KIF4A: variants seen among roughly 807,000 people sequenced by gnomAD.
KIF4A encodes the protein chromosome-associated kinesin KIF4A.
Under a neutral mutation model 105.9 loss-of-function variants are expected in KIF4A, and 7 were observed. The observed-to-expected ratio is 0.07, with a 90% confidence interval of 0.04 to 0.12. The LOEUF (loss-of-function observed/expected upper bound fraction) is 0.12. KIF4A is among the 10% of genes least tolerant of loss of function. The probability of loss-of-function intolerance (pLI) is 1.00; values close to 1 mark genes in which losing one functional copy is unlikely to be tolerated. For missense variants in KIF4A, 558 were observed against 929.2 expected (o/e 0.60, Z 5.19); for synonymous variants, 281 against 331.3 (o/e 0.85, Z 1.65).
At chrX:70,368,495 G>A (rs149734484) in intron 15 of KIF4A, among the ~76,000 whole-genome samples, 197 of 112,312 alleles carry the variant, frequency 1.8e-3, no homozygotes, top group Middle Eastern at 0.014. Flanking sequence ...CAGGTATGTT[G>A]GAGTTTGCTG....
At chrX:70,398,190 A>G (rs2147735571) in intron 22 of KIF4A, among the ~76,000 whole-genome samples, 1 of 111,441 alleles carries the variant, frequency 9.0e-6, no homozygotes, top group East Asian at 2.8e-4. Context: ...GGCACATGGC[A>G]CCATGCCTGG....
At chrX:70,322,305 T>C (rs2085893548) in intron 7 of KIF4A, among the ~76,000 whole-genome samples, 1 of 108,391 alleles carries the variant, frequency 9.2e-6, no homozygotes, top group African/African-American at 3.4e-5. Flanking sequence ...TTTTTTTAAT[T>C]TATTTTATTT....
chrX:70,302,459 T>C (rs931256041), intron 7 of KIF4A, 61 bp downstream of exon 7: 4 of 1,076,744 alleles, frequency 3.7e-6, no homozygotes, highest in Admixed American at 2.4e-5. Context: ...TTGTTGGTAT[T>C]GTTGGTGTTT....
intron 13 of KIF4A, among the ~76,000 whole-genome samples, chrX:70,347,591 A>T (rs141335599): frequency 0.015 from 1,625 of 111,889 alleles, 22 homozygotes; most frequent in Non-Finnish European, 0.024. Flanking sequence ...CTAATAATCT[A>T]GGACAGGCCT....
rs1275247082 is a variant in KIF4A, at chrX:70,373,546, A to G, written c.1675-605A>G. Among the ~76,000 whole-genome samples the G allele has an allele frequency of 4.3e-4, 18 of 41,820 alleles. 1 individual carries two copies. Among genetic ancestry groups the G allele is most frequent in the East Asian group, 2.4e-3 (3 of 1,256 alleles). 36.3% of individuals were successfully genotyped at this position (41,820 alleles called of 115,157 possible). On this transcript the variant is annotated intron_variant, in intron 15 of 30. Transcript: ENST00000374403. ...TATGTATATATATATATATATATAT[A>G]TATATATATACGTATATATATACAT...
At chrX:70,336,992 T>C (rs965737011) in intron 10 of KIF4A, among the ~76,000 whole-genome samples, 6 of 112,546 alleles carry the variant, frequency 5.3e-5, no homozygotes, top group Admixed American at 1.9e-4. Flanking sequence ...AATGGAATCA[T>C]ACAGTATTTG....
chrX:70,410,911 A>G (rs1222711837), intron 28 of KIF4A, among the ~76,000 whole-genome samples: 7 of 112,306 alleles, frequency 6.2e-5, no homozygotes, highest in Non-Finnish European at 1.3e-4. Flanking sequence ...ATCCTGAGTC[A>G]AAGTAACAGT....
chrX:70,375,434 A>G (rs1053273059), intron 17 of KIF4A, 86 bp downstream of exon 17: 20 of 945,753 alleles, frequency 2.1e-5, no homozygotes, highest in Non-Finnish European at 3.0e-5. Flanking sequence ...AGGTGTTTTC[A>G]GGTGAGAAAA....
intron 15 of KIF4A, among the ~76,000 whole-genome samples, chrX:70,355,883 G>A (rs1429180613): frequency 8.9e-6 from 1 of 112,141 alleles, no homozygotes; most frequent in Non-Finnish European, 1.9e-5. Context: ...GACAAAAAAA[G>A]TGTTTCTGCT....
At chrX:70,293,515 C>T (rs769752694) in intron 3 of KIF4A, among the ~76,000 whole-genome samples, 6 of 111,980 alleles carry the variant, frequency 5.4e-5, no homozygotes, top group South Asian at 3.7e-4. Context: ...CATCAGTTAA[C>T]GACAGGGATA....
intron 19 of KIF4A, 31 bp from the exon 20 acceptor site, chrX:70,387,153 T>C: frequency 1.0e-6 from 1 of 977,773 alleles, no homozygotes. Context: ...TTACCATTCA[T>C]TCAACATTAC....
rs1481604714 is a variant in KIF4A at position 70,373,572 on chromosome X, A to G, written c.1675-579A>G. On this transcript the variant is annotated intron_variant, in intron 15 of 30. Transcript: ENST00000374403. ...TATATATATACGTATATATATACATATATACGTGTATATATATACGTATAT... is the reference window on the plus strand; with the variant it reads ...TATATATATACGTATATATATACATGTATACGTGTATATATATACGTATAT... Among the ~76,000 whole-genome samples the G allele has an allele frequency of 4.7e-5, 2 of 42,210 alleles. 1 individual carries two copies. The highest frequency in any genetic ancestry group is 1.6e-4 in the African/African-American group (2 of 12,572). The allele number at this position is 42,210 out of a possible 115,157, so 36.7% of individuals were successfully genotyped here. A position where few individuals can be genotyped will look rare whatever the true frequency, so the allele number is the denominator to read the frequency against.
At chrX:70,315,708 A>T (rs1307428653) in intron 7 of KIF4A, among the ~76,000 whole-genome samples, 1 of 111,872 alleles carries the variant, frequency 8.9e-6, no homozygotes, top group Non-Finnish European at 1.9e-5. Flanking sequence ...TGTCAAACCC[A>T]TGAGGAGGCA....
Position 70,420,385 on chromosome X carries a change from C to A in KIF4A, c.*120C>A. 1 of 963,766 alleles carries A rather than the reference C, an allele frequency of 1.0e-6. No homozygotes were observed. Among genetic ancestry groups the A allele is most frequent in the Non-Finnish European group, 1.4e-6 (1 of 720,771 alleles). 79.4% of individuals were successfully genotyped at this position (963,766 alleles called of 1,213,427 possible). ...GGTTTCTTGCTGTTGAAAAAAGGAA[C>A]AAAGCGTTACTGAAAAGAAGGTAAC... On this transcript the variant is annotated 3_prime_UTR_variant, in exon 31 of 31. Coordinates refer to ENST00000374403, the MANE Select transcript of KIF4A (RefSeq NM_012310.5).
rs187152009 is a variant in KIF4A at position 70,363,654 on chromosome X, G to A, written c.1674+9847G>A. On this transcript the variant is annotated intron_variant, in intron 15 of 30. Coordinates refer to ENST00000374403, the MANE Select transcript of KIF4A (RefSeq NM_012310.5). ...TCCAGTCTATCATTGTTGGACATTTGGGTTGGTTCCAAGTCTTTGCTATTG... is the reference window on the plus strand; with the variant it reads ...TCCAGTCTATCATTGTTGGACATTTAGGTTGGTTCCAAGTCTTTGCTATTG... 1.8e-3 allele frequency among the ~76,000 whole-genome samples: 207 copies of A among 111,989 alleles called. 1 individual carries two copies. Among genetic ancestry groups the A allele is most frequent in the Non-Finnish European group, 2.7e-3 (141 of 53,174 alleles).
intron 28 of KIF4A, chrX:70,415,246 C>T (rs981119346): frequency 6.7e-5 from 14 of 210,511 alleles, no homozygotes; most frequent in Admixed American, 1.3e-4. Context: ...TATGTATCAA[C>T]ATATGTCATT....
At chrX:70,409,794 C>CAAAA (rs780576920) in intron 28 of KIF4A, among the ~76,000 whole-genome samples, 1 of 42,217 alleles carries the variant, frequency 2.4e-5, no homozygotes, top group African/African-American at 9.0e-5. Context: ...AAGACTGTCT[C>CAAAA]AAAAAAAAAA....
In KIF4A at chrX:70,391,441, A is replaced by G. The variant is rs745942737; in HGVS notation, c.2232+4144A>G. On this transcript the variant is annotated intron_variant, in intron 20 of 30. Coordinates refer to ENST00000374403, the MANE Select transcript of KIF4A (RefSeq NM_012310.5). Reference sequence around the variant, plus strand: ...GATGATGAATAGGAGTGGTGAGAATAGACATCCTTCTGTTCTTCCTGATCT... The same window carrying G: ...GATGATGAATAGGAGTGGTGAGAATGGACATCCTTCTGTTCTTCCTGATCT... Among the ~76,000 whole-genome samples the G allele has an allele frequency of 2.7e-5, 3 of 111,817 alleles. No individual in the cohort carries two copies. The Admixed American group carries it at 2.9e-4, about 11-fold the overall frequency.
chrX:70,361,144 G>A (rs1023514614), intron 15 of KIF4A, among the ~76,000 whole-genome samples: 1 of 113,136 alleles, frequency 8.8e-6, no homozygotes, highest in African/African-American at 3.2e-5. Flanking sequence ...TGCCTGCCCC[G>A]CTTCGAGCCT....
Sources: allele counts gnomAD v4.1 joint callset (sites outside exome capture counted in the v4.1 genomes callset), GRCh38; gene constraint gnomAD v4.1.1; transcripts MANE v1.5; gene names NCBI Gene and HGNC (gene_info 2026-07-23, HGNC 2026-07-21).